Variants in CWF19L2 observed in about 807,000 individuals in gnomAD.
CWF19L2 encodes CWF19-like protein 2.
CWF19L2 carries 98 observed loss-of-function variants against 111.7 expected under a neutral mutation model. That is an observed-to-expected ratio of 0.88 (90% CI 0.75 to 1.04). The LOEUF is 1.04. CWF19L2 is among the 50% of genes least tolerant of loss of function. The pLI, the probability that CWF19L2 is intolerant of heterozygous loss-of-function variation, is 0.00. For synonymous variants in CWF19L2, 351 were observed against 342.9 expected (o/e 1.02, Z -0.26); for missense variants, 1,101 against 1,051.4 (o/e 1.05, Z -0.65).
chr11:107,390,096 A>AGCTTG lies in CWF19L2; in HGVS notation c.1845_1849dup (p.Leu617ProfsTer5), dbSNP rs756518453. On this transcript the variant is annotated frameshift_variant, in exon 12 of 18. Coordinates refer to ENST00000282251, the MANE Select transcript of CWF19L2 (RefSeq NM_152434.3). LOFTEE classifies it high-confidence loss of function. ...TACCTTAGATGCCATTCTCATAAAGAGCTTGTTTTGATTTTCTGCTGTTCC... is the reference window on the plus strand; with the variant it reads ...TACCTTAGATGCCATTCTCATAAAGAGCTTGGCTTGTTTTGATTTTCTGCTGTTCC... 4 of 1,612,532 alleles carry AGCTTG rather than the reference A, an allele frequency of 2.5e-6. No homozygotes were observed. The African/African-American group carries it at 5.3e-5, about 22-fold the overall frequency.
chr11:107,388,530 G>A (rs991642001), intron 12 of CWF19L2, among the ~76,000 whole-genome samples: 8 of 152,018 alleles, frequency 5.3e-5, no homozygotes, highest in East Asian at 1.9e-4. Flanking sequence ...CTACAAGTGC[G>A]TGCCACCATG....
At chr11:107,457,178 T>C (rs1193563107) in intron 1 of CWF19L2, among the ~76,000 whole-genome samples, 2 of 152,220 alleles carry the variant, frequency 1.3e-5, no homozygotes, top group South Asian at 2.1e-4. Flanking sequence ...TCGCGATCTT[T>C]TGTGACAGGC....
chr11:107,441,715 A>C, intron 4 of CWF19L2, 93 bp from the exon 5 acceptor site: 2 of 1,306,582 alleles, frequency 1.5e-6, no homozygotes, highest in African/African-American at 3.0e-5. Context: ...TAATAAGAGC[A>C]GGGACTTTGG....
intron 12 of CWF19L2, among the ~76,000 whole-genome samples, chr11:107,356,141 T>TCAA (rs936588535): frequency 2.6e-5 from 4 of 151,924 alleles, no homozygotes; most frequent in African/African-American, 4.8e-5. Context: ...GACCCATGAA[T>TCAA]CAACAACAAC....
intron 15 of CWF19L2, 97 bp from the exon 16 acceptor site, chr11:107,335,058 T>C (rs966051982): frequency 4.1e-6 from 3 of 735,546 alleles, no homozygotes; most frequent in Middle Eastern, 7.6e-4. Flanking sequence ...TTATGGGGTA[T>C]ATTATACATA....
intron 10 of CWF19L2, chr11:107,403,973 G>A (rs1861043336): frequency 2.3e-6 from 2 of 871,104 alleles, no homozygotes; most frequent in African/African-American, 3.3e-5. Flanking sequence ...TGCGACAACT[G>A]ACCGAACGTC....
Position 107,392,801 on chromosome 11 carries a change from C to T in CWF19L2, c.1712G>A (p.Gly571Glu), listed in dbSNP as rs776128618. Residue 571 changes from glycine (G) to glutamate (E), a missense_variant, in exon 11 of 18, where the codon GGA becomes GAA. By Grantham distance (98) the Gly-to-Glu change is moderately conservative (BLOSUM62 -2). Coordinates refer to ENST00000282251, the MANE Select transcript of CWF19L2 (RefSeq NM_152434.3). ...NTPGKSLESQ[G>E]GRRKRQMVST... ...TACCATCTGTCTCTTTCTTCTTCCT[C>T]CTTGTGATTCCAGAGATTTTCCGGG... The T allele has an allele frequency of 1.9e-6, 3 of 1,591,244 alleles. No homozygotes were observed. In the East Asian group the frequency reaches 6.9e-5, roughly 37 times the overall value.
intron 11 of CWF19L2, among the ~76,000 whole-genome samples, chr11:107,391,886 A>G (rs897378884): frequency 1.3e-5 from 2 of 152,208 alleles, no homozygotes; most frequent in Non-Finnish European, 2.9e-5. Context: ...AACTCTACTC[A>G]TGAATGAAAG....
Position 107,336,549 on chromosome 11 carries a change from T to G in CWF19L2, c.2358+9A>C, listed in dbSNP as rs774805010. On this transcript the variant is annotated intron_variant, in intron 15 of 17. Coordinates refer to ENST00000282251, the MANE Select transcript of CWF19L2 (RefSeq NM_152434.3). Reference sequence around the variant, plus strand: ...AATAAGTGTATATGCAAAGACTACTTATAAACACCTTAAAATAGATGGGAG... The same window carrying G: ...AATAAGTGTATATGCAAAGACTACTGATAAACACCTTAAAATAGATGGGAG... 8.2e-6 allele frequency: 13 copies of G among 1,590,580 alleles called. No individual in the cohort carries two copies. In the Admixed American group the frequency reaches 2.2e-4, roughly 27 times the overall value.
intron 3 of CWF19L2, among the ~76,000 whole-genome samples, chr11:107,445,088 C>CTTTTTTT (rs1861682570): frequency 6.6e-6 from 1 of 152,126 alleles, no homozygotes; most frequent in Non-Finnish European, 1.5e-5. Context: ...TTTTTAAAAA[C>CTTTTTTT]TAGAACTCAG....
chr11:107,382,254 C>T (rs1860697885), intron 12 of CWF19L2, among the ~76,000 whole-genome samples: 1 of 152,156 alleles, frequency 6.6e-6, no homozygotes, highest in Non-Finnish European at 1.5e-5. Flanking sequence ...GGAAATTGGA[C>T]AAAGACAATT....
chr11:107,338,222 C>G (rs1452040806), intron 14 of CWF19L2, among the ~76,000 whole-genome samples: 1 of 152,140 alleles, frequency 6.6e-6, no homozygotes, highest in Non-Finnish European at 1.5e-5. Flanking sequence ...ACTAAAGGTG[C>G]ACCACCATGG....
intron 8 of CWF19L2, among the ~76,000 whole-genome samples, chr11:107,426,184 T>A (rs1944955328): frequency 6.7e-6 from 1 of 149,798 alleles, no homozygotes; most frequent in Non-Finnish European, 1.5e-5. Flanking sequence ...AAACAATAGC[T>A]CAAAAAAAGG....
In CWF19L2 at chr11:107,348,947, T is replaced by G. The variant is rs570771392; in HGVS notation, c.2192A>C (p.Glu731Ala). The change falls in exon 14 of 18, where the codon GAG (glutamate) becomes GCG (alanine). Residue 731 changes from glutamate to alanine, a missense_variant. Transcript: ENST00000282251. ...ATTTATTATGCTGACCTGGATCTCC[T>G]CCCAGATGTCTTCATCCAACAAAGT... is the stretch of plus-strand genomic sequence containing the variant. ...AATLLDEDIW[E>A]EIQMFRKSLV... is the part of the protein sequence containing the mutation. 1 of 1,591,494 alleles carries G rather than the reference T, an allele frequency of 6.3e-7. No individual in the cohort carries two copies. The highest frequency in any genetic ancestry group is 1.3e-5 in the African/African-American group (1 of 74,398).
chr11:107,420,681 C>A (rs1861291115), intron 8 of CWF19L2, among the ~76,000 whole-genome samples: 1 of 151,942 alleles, frequency 6.6e-6, no homozygotes, highest in South Asian at 2.1e-4. Flanking sequence ...TATATACATA[C>A]CTATGTTAAA....
intron 10 of CWF19L2, among the ~76,000 whole-genome samples, chr11:107,407,800 T>C (rs1449017160): frequency 6.6e-6 from 1 of 151,864 alleles, no homozygotes; most frequent in Non-Finnish European, 1.5e-5. Flanking sequence ...CTCTACAATT[T>C]CTCCAAATTA....
At chr11:107,400,000 T>A (rs656675) in intron 10 of CWF19L2, among the ~76,000 whole-genome samples, 106,772 of 151,960 alleles carry the variant, frequency 0.7, 37,921 homozygotes, top group Non-Finnish European at 0.77. Context: ...GATAGAAATT[T>A]AAAAAATTCT....
chr11:107,448,103 T>C (rs1046062432), intron 3 of CWF19L2, among the ~76,000 whole-genome samples: 1 of 152,012 alleles, frequency 6.6e-6, no homozygotes, highest in Non-Finnish European at 1.5e-5. Flanking sequence ...CCCAGCACTT[T>C]GGGAGGCTGA....
At chr11:107,381,386 G>A (rs1353397878) in intron 12 of CWF19L2, among the ~76,000 whole-genome samples, 1 of 152,136 alleles carries the variant, frequency 6.6e-6, no homozygotes, top group African/African-American at 2.4e-5. Flanking sequence ...TCAGCAGCCT[G>A]AACTGGATTC....
Sources: allele counts gnomAD v4.1 joint callset (sites outside exome capture counted in the v4.1 genomes callset), GRCh38; gene constraint gnomAD v4.1.1; transcripts MANE v1.5; gene names NCBI Gene and HGNC (gene_info 2026-07-23, HGNC 2026-07-21).